ANKRD13C: variants seen among roughly 807,000 people sequenced by gnomAD.
ANKRD13C encodes the protein ankyrin repeat domain-containing protein 13C.
Under a neutral mutation model 65.5 loss-of-function variants are expected in ANKRD13C, and 16 were observed. The observed-to-expected ratio is 0.24, with a 90% confidence interval of 0.17 to 0.37. The LOEUF (loss-of-function observed/expected upper bound fraction) is 0.37, where lower values mean the gene tolerates loss of function less well. Among genes scored for constraint, ANKRD13C ranks in the 10% least tolerant of loss-of-function variants. The pLI is 1.00. For synonymous variants in ANKRD13C, 235 were observed against 238.7 expected, an observed-to-expected ratio of 0.98 and a Z score of 0.14; for missense variants, 503 against 655.9, an observed-to-expected ratio of 0.77 and a Z score of 2.55.
At position 70,260,698 on chromosome 1, in the gene ANKRD13C, T is replaced by A. The variant is rs1006354624; in HGVS notation, c.*2019A>T. 3 of 152,098 alleles carry A rather than the reference T, an allele frequency of 2.0e-5. No individual in the cohort carries two copies. The highest frequency in any genetic ancestry group is 2.0e-4 in the Admixed American group (3 of 15,268). The allele number at this position is 152,098 out of a possible 1,614,324, so 9.4% of individuals were successfully genotyped here. A position where few individuals can be genotyped will look rare whatever the true frequency, so the allele number is the denominator to read the frequency against. On this transcript the variant is annotated 3_prime_UTR_variant, in exon 13 of 13. Coordinates refer to ENST00000370944, the MANE Select transcript of ANKRD13C (RefSeq NM_030816.5). The stretch of plus-strand genomic sequence containing the variant: ...GCTCTTTGTGATCAGAGAAAAGACA[T>A]TTTGGAATGGATAATCTGTTTCTAC...
intron 9 of ANKRD13C, among the ~76,000 whole-genome samples, chr1:70,291,416 T>A (rs1197503699): frequency 6.6e-6 from 1 of 152,222 alleles, no homozygotes. Context: ...AAAATAAATT[T>A]AAGAATGCAT....
At chr1:70,323,363 G>C (rs1244274) in intron 3 of ANKRD13C, among the ~76,000 whole-genome samples, 2,337 of 152,014 alleles carry the variant, frequency 0.015, 59 homozygotes, top group African/African-American at 0.053. Flanking sequence ...GTTGTTTATA[G>C]GCTGAGCACG....
intron 6 of ANKRD13C, among the ~76,000 whole-genome samples, chr1:70,305,059 A>T (rs1049450854): frequency 2.6e-5 from 4 of 152,016 alleles, no homozygotes; most frequent in African/African-American, 9.7e-5. Flanking sequence ...TATGTTCAAG[A>T]CCAGCCTGGG....
intron 3 of ANKRD13C, among the ~76,000 whole-genome samples, chr1:70,317,379 G>GA (rs1322392997): frequency 6.6e-6 from 1 of 152,002 alleles, no homozygotes; most frequent in African/African-American, 2.4e-5. Flanking sequence ...CAGAAAATGA[G>GA]AAAAAATGTG....
rs796166929 is a variant in ANKRD13C at position 70,285,647 on chromosome 1, T to C, written c.1215+6741A>G. ...GTTAAACACTTTTTTTTTTTTTTTTTTGAGACAGAGTCTCGCTCTGTCACC... is the reference window on the plus strand; with the variant it reads ...GTTAAACACTTTTTTTTTTTTTTTTCTGAGACAGAGTCTCGCTCTGTCACC... On this transcript the variant is annotated intron_variant, in intron 9 of 12. Coordinates refer to ENST00000370944, the MANE Select transcript of ANKRD13C (RefSeq NM_030816.5). Among the ~76,000 whole-genome samples, 745 of 151,070 alleles carry C rather than the reference T, an allele frequency of 4.9e-3. 4 individuals are homozygous for C. The highest frequency in any genetic ancestry group is 0.017 in the African/African-American group (710 of 41,098).
rs1308695430 is a variant in ANKRD13C, at chr1:70,260,422, A to C, written c.*2295T>G. 6.6e-6 allele frequency among the ~76,000 whole-genome samples: 1 copy of C among 152,180 alleles called. No homozygotes were observed. Among genetic ancestry groups the C allele is most frequent in the African/African-American group, 2.4e-5 (1 of 41,470 alleles). Reference sequence around the variant, plus strand: ...TCCCCCTACCAATTTAAACAGTTTCAAAATCACAAATGGAGAAGAACATAT... The same window carrying C: ...TCCCCCTACCAATTTAAACAGTTTCCAAATCACAAATGGAGAAGAACATAT... On this transcript the variant is annotated 3_prime_UTR_variant, in exon 13 of 13. Transcript: ENST00000370944.
At chr1:70,351,462 C>G (rs1056505305) in intron 1 of ANKRD13C, among the ~76,000 whole-genome samples, 1 of 152,078 alleles carries the variant, frequency 6.6e-6, no homozygotes, top group East Asian at 1.9e-4. Context: ...TGCAACGGTG[C>G]GATCTTGGCT....
At chr1:70,341,464 C>T (rs981307903) in intron 1 of ANKRD13C, among the ~76,000 whole-genome samples, 9 of 150,130 alleles carry the variant, frequency 6.0e-5, no homozygotes, top group Admixed American at 3.4e-4. Flanking sequence ...CAGGTTCAAG[C>T]GATTCTCCTG....
chr1:70,310,280 A>G (rs567675637), intron 5 of ANKRD13C, among the ~76,000 whole-genome samples: 1 of 152,354 alleles, frequency 6.6e-6, no homozygotes, highest in Admixed American at 6.5e-5. Flanking sequence ...CTTTTTAAAA[A>G]ATATTATGTG....
intron 9 of ANKRD13C, among the ~76,000 whole-genome samples, chr1:70,281,901 G>A (rs545200008): frequency 1.3e-5 from 2 of 151,316 alleles, no homozygotes; most frequent in South Asian, 4.2e-4. Context: ...TCAAGAGGCT[G>A]AGGCAGGAGA....
chr1:70,328,790 TG>T (rs1558304658), intron 2 of ANKRD13C, among the ~76,000 whole-genome samples: 1 of 152,184 alleles, frequency 6.6e-6, no homozygotes, highest in Non-Finnish European at 1.5e-5. Context: ...GGTTTTAACA[TG>T]CATTACCATA....
intron 1 of ANKRD13C, among the ~76,000 whole-genome samples, chr1:70,343,873 G>A (rs1263852104): frequency 3.3e-5 from 5 of 152,126 alleles, no homozygotes; most frequent in Non-Finnish European, 5.9e-5. Flanking sequence ...AACACTGGCC[G>A]GTACAGTGGC....
Position 70,262,755 on chromosome 1 carries a change from C to A in ANKRD13C, c.1588G>T (p.Asp530Tyr). 6.2e-7 allele frequency: 1 copy of A among 1,613,500 alleles called. No individual in the cohort carries two copies. Among genetic ancestry groups the A allele is most frequent in the South Asian group, 1.1e-5 (1 of 91,028 alleles). The change falls in exon 13 of 13, where the codon GAC (aspartate) becomes TAC (tyrosine). Residue 530 changes from aspartate (D) to tyrosine (Y), a missense_variant. Asp to Tyr is a radical substitution (Grantham distance 160, BLOSUM62 -3). Coordinates refer to ENST00000370944, the MANE Select transcript of ANKRD13C (RefSeq NM_030816.5). ...AAACGGCTTGGGTCTTCCTTGTAGT[C>A]ATCAGGTATAGTAAAGATGGAGCCA... is the stretch of plus-strand genomic sequence containing the variant. ...FDGSIFTIPD[D>Y]YKEDPSRFPD...
intron 1 of ANKRD13C, among the ~76,000 whole-genome samples, chr1:70,343,586 A>G (rs1160090380): frequency 2.0e-5 from 3 of 152,142 alleles, no homozygotes; most frequent in Non-Finnish European, 4.4e-5. Flanking sequence ...AAGTCTCTCT[A>G]TTGCCCAGGG....
chr1:70,350,156 T>C (rs978777276), intron 1 of ANKRD13C, among the ~76,000 whole-genome samples: 1 of 152,094 alleles, frequency 6.6e-6, no homozygotes, highest in African/African-American at 2.4e-5. Flanking sequence ...AAATAATAAA[T>C]TAATTAACAT....
intron 6 of ANKRD13C, among the ~76,000 whole-genome samples, chr1:70,304,142 G>T: frequency 6.6e-6 from 1 of 152,082 alleles, no homozygotes; most frequent in Non-Finnish European, 1.5e-5. Context: ...CCTGGGCTCA[G>T]GTGATCCTCC....
chr1:70,301,563 T>G (rs900186690), intron 6 of ANKRD13C, among the ~76,000 whole-genome samples: 1 of 152,156 alleles, frequency 6.6e-6, no homozygotes, highest in Non-Finnish European at 1.5e-5. Flanking sequence ...ATTCTTGGCC[T>G]TTGTATTTGA....
intron 5 of ANKRD13C, among the ~76,000 whole-genome samples, 184 bp from the exon 6 acceptor site, chr1:70,306,474 T>A (rs1680590310): frequency 6.6e-6 from 1 of 152,158 alleles, no homozygotes; most frequent in African/African-American, 2.4e-5. Context: ...TTCAAATATC[T>A]ACTATTTACT....
intron 3 of ANKRD13C, 109 bp from the exon 4 acceptor site, chr1:70,315,675 G>A (rs1018082457): frequency 1.2e-5 from 9 of 754,070 alleles, no homozygotes; most frequent in South Asian, 8.3e-5. Context: ...ATATATGCAC[G>A]TGCATGTATG....
Sources: gnomAD v4.1 joint callset for allele counts (sites outside exome capture counted in the v4.1 genomes callset) on GRCh38, gnomAD v4.1.1 for gene constraint, MANE v1.5 for transcripts, NCBI Gene and HGNC (gene_info 2026-07-23, HGNC 2026-07-21) for gene names.